PHAF1: variants seen among roughly 807,000 people sequenced by gnomAD.
PHAF1 encodes phagosome assembly factor 1.
In PHAF1, 23 loss-of-function variants were observed where a neutral mutation model predicts 63.1. The observed-to-expected ratio is 0.36, with a 90% CI of 0.26 to 0.52. The LOEUF (loss-of-function observed/expected upper bound fraction) is 0.52, where lower values mean the gene tolerates loss of function less well. Ranked by LOEUF, PHAF1 falls within the 20% of genes least tolerant of loss-of-function variation. PHAF1 has a pLI of 0.93. For synonymous variants in PHAF1, 167 were observed against 185.0 expected, an observed-to-expected ratio of 0.90 and a Z score of 0.79; for missense variants, 427 against 517.2, an observed-to-expected ratio of 0.83 and a Z score of 1.69.
chr16:67,117,115 T>C (rs1433897711), intron 1 of PHAF1, among the ~76,000 whole-genome samples: 1 of 151,782 alleles, frequency 6.6e-6, no homozygotes, highest in East Asian at 1.9e-4. Flanking sequence ...TCACTGCAAC[T>C]TCTGCCTGCC....
chr16:67,113,931 G>C (rs752977051), intron 1 of PHAF1, among the ~76,000 whole-genome samples: 3 of 151,848 alleles, frequency 2.0e-5, no homozygotes, highest in Non-Finnish European at 4.4e-5. Context: ...TCGAACTCCT[G>C]ACTTCAAGTG....
intron 2 of PHAF1, among the ~76,000 whole-genome samples, chr16:67,124,866 G>A (rs957578712): frequency 3.3e-5 from 5 of 149,590 alleles, no homozygotes; most frequent in Non-Finnish European, 7.4e-5. Context: ...TTGTGCCACC[G>A]CACTCCAGCC....
At chr16:67,116,106 C>G (rs1962722581) in intron 1 of PHAF1, among the ~76,000 whole-genome samples, 1 of 152,186 alleles carries the variant, frequency 6.6e-6, no homozygotes, top group Admixed American at 6.6e-5. Flanking sequence ...GGATGTTTGT[C>G]CATTCCTCCT....
chr16:67,114,495 C>T (rs1402884299), intron 1 of PHAF1, among the ~76,000 whole-genome samples: 1 of 150,684 alleles, frequency 6.6e-6, no homozygotes, highest in African/African-American at 2.4e-5. Context: ...CTTGACCTGA[C>T]CTAGGGGTTC....
chr16:67,140,024 A>T lies in PHAF1; in HGVS notation c.702A>T (p.Val234=). Residue 234 remains valine (V), a synonymous_variant, in exon 9 of 16, where the codon GTA becomes GTT. Coordinates refer to ENST00000219139, the MANE Select transcript of PHAF1 (RefSeq NM_025187.5). ...TATTAGCAGATGCCAAGATGCGGGT[A>T]TTTGAACGTTCAGTGTATTTTGGTG... ...PGLLADAKMR[V]FERSVYFGDS... 6.2e-7 allele frequency: 1 copy of T among 1,613,518 alleles called. No homozygotes were observed. The highest frequency in any genetic ancestry group is 1.1e-5 in the South Asian group (1 of 91,054).
chr16:67,145,594 G>A lies in PHAF1; in HGVS notation c.1075G>A (p.Gly359Ser). The A allele has an allele frequency of 1.2e-6, 2 of 1,613,972 alleles. No individual in the cohort carries two copies. Among genetic ancestry groups the A allele is most frequent in the African/African-American group, 2.7e-5 (2 of 74,984 alleles). Residue 359 changes from glycine (G) to serine (S), a missense_variant, in exon 14 of 16, where the codon GGC (glycine) becomes AGC (serine). Physicochemically the swap from Gly to Ser is moderately conservative, Grantham distance 56 (BLOSUM62 0). Transcript: ENST00000219139. The part of the protein sequence containing the change: ...SKWDNIQELL[G>S]HPVEKPVVLH... The stretch of plus-strand genomic sequence containing the variant: ...GTGGGACAACATCCAGGAGCTCCTG[G>A]GCCACCCTGTGGAGAAGCCTGTTGT...
chr16:67,144,597 C>A (rs1191447931), intron 11 of PHAF1, among the ~76,000 whole-genome samples: 2 of 152,196 alleles, frequency 1.3e-5, no homozygotes, highest in East Asian at 3.8e-4. Flanking sequence ...GAAATAAGTT[C>A]AGAAAGCTTG....
chr16:67,117,955 A>ATT (rs558113041), intron 1 of PHAF1, among the ~76,000 whole-genome samples: 3,115 of 128,954 alleles, frequency 0.024, 44 homozygotes, highest in Admixed American at 0.03. Context: ...TGCCTGGCTG[A>ATT]TTTTTTTTTT....
At chr16:67,126,111 G>A in intron 3 of PHAF1, 69 bp downstream of exon 3, 1 of 1,192,602 alleles carries the variant, frequency 8.4e-7, no homozygotes, top group Non-Finnish European at 1.2e-6. Context: ...ATTAGTATGT[G>A]CTATTGTGAG....
At chr16:67,125,629 T>G (rs1473726742) in intron 2 of PHAF1, among the ~76,000 whole-genome samples, 1 of 152,198 alleles carries the variant, frequency 6.6e-6, no homozygotes, top group East Asian at 1.9e-4. Context: ...TGAACTTCAT[T>G]TTGCAGATGT....
chr16:67,111,390 G>A (rs1485788024), intron 1 of PHAF1, among the ~76,000 whole-genome samples: 1 of 152,174 alleles, frequency 6.6e-6, no homozygotes, highest in African/African-American at 2.4e-5. Flanking sequence ...AGAAAAGGGG[G>A]TGGGGTAGGT....
At chr16:67,138,925 T>C (rs760525600) in intron 8 of PHAF1, among the ~76,000 whole-genome samples, 5 of 152,054 alleles carry the variant, frequency 3.3e-5, no homozygotes, top group African/African-American at 4.8e-5. Flanking sequence ...AGTACTTTTG[T>C]AGTTTTTTTT....
intron 10 of PHAF1, among the ~76,000 whole-genome samples, chr16:67,142,156 G>A (rs982633886): frequency 6.6e-6 from 1 of 152,212 alleles, no homozygotes; most frequent in Non-Finnish European, 1.5e-5. Flanking sequence ...GACCCATAGT[G>A]GGTAGCTTCT....
At chr16:67,138,869 A>G (rs1400279693) in intron 8 of PHAF1, among the ~76,000 whole-genome samples, 2 of 152,038 alleles carry the variant, frequency 1.3e-5, no homozygotes, top group East Asian at 1.9e-4. Flanking sequence ...TTGTTGATAG[A>G]GCAGTTTTAC....
At chr16:67,119,993 G>T (rs1597188314) in intron 1 of PHAF1, 119 bp from the exon 2 acceptor site, 3 of 724,838 alleles carry the variant, frequency 4.1e-6, no homozygotes, top group East Asian at 5.1e-5. Context: ...TGTATCTGTA[G>T]ACCTTAGTAG....
chr16:67,144,968 G>A (rs1441034908), intron 12 of PHAF1, 91 bp downstream of exon 12: 5 of 1,475,148 alleles, frequency 3.4e-6, no homozygotes, highest in Non-Finnish European at 4.7e-6. Context: ...GTGGTTGGAT[G>A]TGTGGAGCTT....
intron 1 of PHAF1, among the ~76,000 whole-genome samples, chr16:67,116,735 A>G (rs1338889303): frequency 6.6e-6 from 1 of 152,194 alleles, no homozygotes; most frequent in East Asian, 1.9e-4. Context: ...CTGTAGTCCC[A>G]GCTACTCAGG....
rs563080915 is a variant in PHAF1, at chr16:67,130,633, G to T, written c.232-653G>T. Among the ~76,000 whole-genome samples the T allele has an allele frequency of 1.4e-4, 21 of 152,326 alleles. No homozygotes were observed. In the South Asian group the frequency reaches 1.4e-3, roughly 11 times the overall value. ...CAAAGTGCTGGGATTATAGGCGTGA[G>T]CCACCGTGCCCGGCTAAAATAAGCT... On this transcript the variant is annotated intron_variant, in intron 3 of 15. Coordinates refer to ENST00000219139, the MANE Select transcript of PHAF1 (RefSeq NM_025187.5).
chr16:67,128,851 C>T (rs1258243012), intron 3 of PHAF1, among the ~76,000 whole-genome samples: 2 of 152,194 alleles, frequency 1.3e-5, no homozygotes, highest in Non-Finnish European at 2.9e-5. Flanking sequence ...CACTGTTTTC[C>T]CATTGATCAG....
Sources: gnomAD v4.1 joint callset for allele counts (sites outside exome capture counted in the v4.1 genomes callset) on GRCh38, gnomAD v4.1.1 for gene constraint, MANE v1.5 for transcripts, NCBI Gene and HGNC (gene_info 2026-07-23, HGNC 2026-07-21) for gene names.